STIM2: variants seen among roughly 807,000 people sequenced by gnomAD.
The protein encoded by STIM2 is stromal interaction molecule 2.
STIM2 carries 31 observed loss-of-function variants against 85.8 expected under a neutral mutation model. The observed-to-expected ratio is 0.36, with a 90% CI of 0.27 to 0.49. The LOEUF is 0.49. Ranked by LOEUF, STIM2 falls within the 20% of genes least tolerant of loss-of-function variation. STIM2 has a pLI of 0.98. For missense variants in STIM2, 841 were observed against 927.6 expected, an observed-to-expected ratio of 0.91 and a Z score of 1.21; for synonymous variants, 356 against 331.1, an observed-to-expected ratio of 1.08 and a Z score of -0.82.
chr4:26,995,546 G>T (rs925983561), intron 4 of STIM2, 56 bp downstream of exon 4: 1 of 1,133,270 alleles, frequency 8.8e-7, no homozygotes, highest in Non-Finnish European at 1.3e-6. Flanking sequence ...TATGCTAGAT[G>T]TCATTTCCCC....
At chr4:26,911,866 C>T (rs1382208530) in intron 1 of STIM2, among the ~76,000 whole-genome samples, 2 of 152,008 alleles carry the variant, frequency 1.3e-5, no homozygotes, top group African/African-American at 4.8e-5. Flanking sequence ...GAGAAATAGC[C>T]ATTAATCCTG....
intron 3 of STIM2, among the ~76,000 whole-genome samples, chr4:26,967,776 T>G (rs1726778594): frequency 6.6e-6 from 1 of 152,208 alleles, no homozygotes; most frequent in South Asian, 2.1e-4. Context: ...TTGCATTGTA[T>G]GCATCTTCGT....
intron 2 of STIM2, among the ~76,000 whole-genome samples, chr4:26,952,010 G>A (rs915733023): frequency 6.6e-6 from 1 of 152,094 alleles, no homozygotes; most frequent in Non-Finnish European, 1.5e-5. Flanking sequence ...AGATTCAAAA[G>A]CAGAAACCCC....
rs190679618 is a variant in STIM2, at chr4:26,982,199, G to A, written c.398-13180G>A. Reference sequence around the variant, plus strand: ...ATATCAACATCTTGTCCGTGAAGATGCTGGGAGATAACAAAGACATATTTT... The same window carrying A: ...ATATCAACATCTTGTCCGTGAAGATACTGGGAGATAACAAAGACATATTTT... On this transcript the variant is annotated intron_variant, in intron 3 of 11. Coordinates refer to ENST00000467087, the MANE Select transcript of STIM2 (RefSeq NM_020860.4). Among the ~76,000 whole-genome samples, 30 of 152,174 alleles carry A rather than the reference G, an allele frequency of 2.0e-4. No homozygotes were observed. The South Asian group carries it at 3.5e-3, about 18-fold the overall frequency.
At chr4:26,971,897 G>C (rs1726969770) in intron 3 of STIM2, among the ~76,000 whole-genome samples, 3 of 152,094 alleles carry the variant, frequency 2.0e-5, no homozygotes, top group Admixed American at 1.3e-4. Flanking sequence ...CCATTTGTTT[G>C]TGTCCTCTTT....
chr4:26,934,645 G>A (rs866946467), intron 2 of STIM2, among the ~76,000 whole-genome samples: 37 of 152,286 alleles, frequency 2.4e-4, no homozygotes, highest in African/African-American at 7.7e-4. Flanking sequence ...TAGGCGCGGT[G>A]GCTCATGCCT....
At chr4:26,943,671 G>A (rs1226027278) in intron 2 of STIM2, among the ~76,000 whole-genome samples, 1 of 151,954 alleles carries the variant, frequency 6.6e-6, no homozygotes, top group Non-Finnish European at 1.5e-5. Flanking sequence ...GCAGCGCTCC[G>A]TTAGTCATTG....
chr4:26,958,132 A>G (rs1213636231), intron 3 of STIM2, among the ~76,000 whole-genome samples: 1 of 152,128 alleles, frequency 6.6e-6, no homozygotes. Flanking sequence ...TTTCTTAAGT[A>G]AATCCTTTAT....
At position 26,861,021 on chromosome 4, in the gene STIM2, G is replaced by C. The variant is rs773801242; in HGVS notation, c.-198G>C. 5 of 1,239,780 alleles carry C rather than the reference G, an allele frequency of 4.0e-6. No individual in the cohort carries two copies. The highest frequency in any genetic ancestry group is 5.1e-6 in the Non-Finnish European group (5 of 984,144). The allele number at this position is 1,239,780 out of a possible 1,614,324, so 76.8% of individuals were successfully genotyped here. A position where few individuals can be genotyped will look rare whatever the true frequency, so the allele number is the denominator to read the frequency against. On this transcript the variant is annotated 5_prime_UTR_variant, in exon 1 of 12. Coordinates refer to ENST00000467087, the MANE Select transcript of STIM2 (RefSeq NM_020860.4). ...TGCCGATGGGACCAGGCTGGCGCCC[G>C]GCGGGAGCCCGTGTCTGAGGCGGCG...
chr4:26,917,674 C>T (rs1408657599), intron 1 of STIM2, among the ~76,000 whole-genome samples: 1 of 152,118 alleles, frequency 6.6e-6, no homozygotes, highest in Non-Finnish European at 1.5e-5. Flanking sequence ...TCACTGTTGA[C>T]TCCTCTTAGA....
At chr4:26,994,686 CTT>C (rs1416169649) in intron 3 of STIM2, among the ~76,000 whole-genome samples, 1 of 152,122 alleles carries the variant, frequency 6.6e-6, no homozygotes, top group Non-Finnish European at 1.5e-5. Flanking sequence ...TCCTCTCTGA[CTT>C]TCTGCCAGTC....
intron 3 of STIM2, among the ~76,000 whole-genome samples, chr4:26,977,419 G>A (rs1411511257): frequency 1.3e-5 from 2 of 152,178 alleles, no homozygotes; most frequent in African/African-American, 2.4e-5. Context: ...GCAAAGTAGT[G>A]ATGTGACTTA....
rs142294159 is a variant in STIM2, at chr4:26,941,692, G to C, written c.283-15920G>C. Among the ~76,000 whole-genome samples the C allele has an allele frequency of 3.6e-4, 55 of 152,122 alleles. No homozygotes were observed. In the East Asian group the frequency reaches 0.01, roughly 29 times the overall value. On this transcript the variant is annotated intron_variant, in intron 2 of 11. Coordinates refer to ENST00000467087, the MANE Select transcript of STIM2 (RefSeq NM_020860.4). ...AAATTAATGGGATCTCCTAATTATT[G>C]GCTTTCTTAAAGATCCTAAGAGATG... is the stretch of plus-strand genomic sequence containing the variant.
chr4:26,993,431 GTTTA>G (rs981229491), intron 3 of STIM2, among the ~76,000 whole-genome samples: 7 of 152,052 alleles, frequency 4.6e-5, no homozygotes, highest in African/African-American at 1.7e-4. Context: ...TTTGTTTGTG[GTTTA>G]TTTAAGCTTT....
At chr4:26,975,825 C>G (rs1214456381) in intron 3 of STIM2, among the ~76,000 whole-genome samples, 1 of 152,242 alleles carries the variant, frequency 6.6e-6, no homozygotes, top group Non-Finnish European at 1.5e-5. Flanking sequence ...AAGTTGTCTG[C>G]TGCCTTTTGT....
chr4:26,933,539 G>A lies in STIM2; in HGVS notation c.282+13905G>A, dbSNP rs187077510. The stretch of plus-strand genomic sequence containing the variant: ...TCTATAGGTCAAAAGTGGCTCTACT[G>A]TCATATTTTTCCAAACTGTTTTTAT... On this transcript the variant is annotated intron_variant, in intron 2 of 11. Coordinates refer to ENST00000467087, the MANE Select transcript of STIM2 (RefSeq NM_020860.4). Among the ~76,000 whole-genome samples the A allele has an allele frequency of 3.9e-5, 6 of 152,144 alleles. No individual in the cohort carries two copies. In the East Asian group the frequency reaches 7.7e-4, roughly 20 times the overall value.
At position 26,995,161 on chromosome 4, in the gene STIM2, T is replaced by A. The variant is rs188952611; in HGVS notation, c.398-218T>A. Among the ~76,000 whole-genome samples the A allele has an allele frequency of 3.8e-3, 571 of 152,242 alleles. 3 individuals carry two copies. The highest frequency in any genetic ancestry group is 0.011 in the South Asian group (51 of 4,830). On this transcript the variant is annotated intron_variant, in intron 3 of 11. Coordinates refer to ENST00000467087, the MANE Select transcript of STIM2 (RefSeq NM_020860.4). ...CTTGTATAGGTGTTTATTTTCGAAT[T>A]AATCATGCTAATCTTTGTCCTAATT... is the stretch of plus-strand genomic sequence containing the variant.
At chr4:26,947,218 T>G (rs2109085866) in intron 2 of STIM2, among the ~76,000 whole-genome samples, 1 of 152,278 alleles carries the variant, frequency 6.6e-6, no homozygotes, top group South Asian at 2.1e-4. Context: ...TCTTCTTTCA[T>G]CTCTGTCTCT....
intron 2 of STIM2, among the ~76,000 whole-genome samples, chr4:26,923,274 G>GA (rs1386302119): frequency 6.6e-6 from 1 of 151,110 alleles, no homozygotes; most frequent in South Asian, 2.1e-4. Context: ...CAAAGATGGG[G>GA]AAAAAACAGA....
Sources: allele counts gnomAD v4.1 joint callset (sites outside exome capture counted in the v4.1 genomes callset), GRCh38; gene constraint gnomAD v4.1.1; transcripts MANE v1.5; gene names NCBI Gene and HGNC (gene_info 2026-07-23, HGNC 2026-07-21).